PLS3: variants seen among roughly 807,000 people sequenced by gnomAD.
The protein encoded by PLS3 is plastin 3, also known as plastin-3.
PLS3 carries 11 observed loss-of-function variants against 46.5 expected under a neutral mutation model. That is an observed-to-expected ratio of 0.24 (90% CI 0.15 to 0.39). PLS3 has a LOEUF of 0.39. PLS3 is among the 10% of genes least tolerant of loss of function. The probability of loss-of-function intolerance (pLI) is 1.00; values close to 1 mark genes in which losing one functional copy is unlikely to be tolerated. For missense variants in PLS3, 308 were observed against 461.8 expected, an observed-to-expected ratio of 0.67 and a Z score of 3.05; for synonymous variants, 167 against 162.2, an observed-to-expected ratio of 1.03 and a Z score of -0.22.
At chrX:115,622,090 A>T (rs943548781) in intron 2 of PLS3, 156 bp from the exon 3 acceptor site, 1 of 439,308 alleles carries the variant, frequency 2.3e-6, no homozygotes, top group African/African-American at 2.5e-5. Flanking sequence ...TTCCATTTAA[A>T]TGTCCATTTC....
intron 1 of PLS3, among the ~76,000 whole-genome samples, chrX:115,595,796 C>G (rs2074383376): frequency 9.5e-6 from 1 of 105,437 alleles, no homozygotes; most frequent in East Asian, 3.0e-4. Flanking sequence ...TCAAGCAGCT[C>G]TCCTGCCTCA....
rs1159474716 is a variant in PLS3, at chrX:115,621,590, C to A, written c.74-656C>A. Among the ~76,000 whole-genome samples, 11 of 110,718 alleles carry A rather than the reference C, an allele frequency of 9.9e-5. 1 individual carries two copies. The highest frequency in any genetic ancestry group is 3.6e-4 in the African/African-American group (11 of 30,558). The stretch of plus-strand genomic sequence containing the variant: ...TTTTTAAAAGCTTCAGAATAAACAT[C>A]ATTCATTTAATCAGCACTTCAAGAC... On this transcript the variant is annotated intron_variant, in intron 2 of 15. Transcript: ENST00000355899.
At chrX:115,635,544 C>T (rs1415254049) in intron 7 of PLS3, among the ~76,000 whole-genome samples, 3 of 102,163 alleles carry the variant, frequency 2.9e-5, no homozygotes, top group South Asian at 4.8e-4. Context: ...CCAGCTTCTC[C>T]GGAGGCTGAG....
chrX:115,606,110 T>C (rs782510958), intron 1 of PLS3, among the ~76,000 whole-genome samples: 1 of 103,251 alleles, frequency 9.7e-6, no homozygotes, highest in South Asian at 4.8e-4. Flanking sequence ...ATGGTTTATG[T>C]CCAGAACCAT....
Position 115,634,117 on chromosome X carries a change from T to C in PLS3, c.582+36T>C, listed in dbSNP as rs1310988939. 5.9e-6 allele frequency: 5 copies of C among 848,556 alleles called. No individual in the cohort carries two copies. In the South Asian group the frequency reaches 1.1e-4, roughly 18 times the overall value. 69.9% of individuals were successfully genotyped at this position (848,556 alleles called of 1,213,427 possible). ...TTCTCCCCTCCCTTTAACATGAAAT[T>C]ACTGTTTGAGGACCTGTTCTGCAGA... On this transcript the variant is annotated intron_variant, in intron 6 of 15. Transcript: ENST00000355899.
At chrX:115,610,731 G>A in intron 2 of PLS3, 1 of 397,833 alleles carries the variant, frequency 2.5e-6, no homozygotes, top group Non-Finnish European at 4.1e-6. Flanking sequence ...ATTAGATGAT[G>A]TTTTACCCTT....
chrX:115,578,199 A>T (rs1022405615), intron 1 of PLS3, among the ~76,000 whole-genome samples: 4 of 111,966 alleles, frequency 3.6e-5, no homozygotes, highest in Non-Finnish European at 5.6e-5. Context: ...TATCCATGTG[A>T]ATGTTTGGGG....
intron 1 of PLS3, among the ~76,000 whole-genome samples, chrX:115,568,741 T>A (rs1306278387): frequency 2.7e-5 from 3 of 112,148 alleles, no homozygotes; most frequent in Non-Finnish European, 5.6e-5. Context: ...CAGTGGCATT[T>A]AAAAAAAGAA....
intron 9 of PLS3, 39 bp downstream of exon 9, chrX:115,640,542 A>G (rs782546232): frequency 1.4e-6 from 1 of 722,357 alleles, no homozygotes; most frequent in African/African-American, 2.1e-5. Flanking sequence ...CAATCTTGCA[A>G]AATTATTGTC....
At chrX:115,573,328 T>G (rs1556630892) in intron 1 of PLS3, among the ~76,000 whole-genome samples, 1 of 112,096 alleles carries the variant, frequency 8.9e-6, no homozygotes, top group African/African-American at 3.2e-5. Flanking sequence ...GAGTTAATGT[T>G]ACTTAAATAG....
At chrX:115,638,468 CTCCTGGGCTCAAGT>C (rs1399521703) in intron 8 of PLS3, among the ~76,000 whole-genome samples, 1 of 109,841 alleles carries the variant, frequency 9.1e-6, no homozygotes, top group Non-Finnish European at 1.9e-5. Flanking sequence ...TGGACTCAAG[CTCCTGGGCTCAAGT>C]GATCCTCCCA....
chrX:115,630,747 C>A (rs2074757420), intron 5 of PLS3, among the ~76,000 whole-genome samples: 2 of 89,615 alleles, frequency 2.2e-5, no homozygotes, highest in East Asian at 3.2e-4. Context: ...TATATATTTA[C>A]ACATATATAT....
chrX:115,592,825 C>T (rs886755494), intron 1 of PLS3, among the ~76,000 whole-genome samples: 1 of 111,054 alleles, frequency 9.0e-6, no homozygotes, highest in Non-Finnish European at 1.9e-5. Context: ...AAAATAGAGG[C>T]AGAAGAGTTT....
At chrX:115,602,949 A>G (rs1166561001) in intron 1 of PLS3, among the ~76,000 whole-genome samples, 2 of 110,974 alleles carry the variant, frequency 1.8e-5, no homozygotes, top group East Asian at 5.7e-4. Flanking sequence ...CCTGGACCTC[A>G]TGGTACTGAA....
Position 115,640,229 on chromosome X carries a change from G to A in PLS3, c.892-179G>A, listed in dbSNP as rs1423266689. On this transcript the variant is annotated intron_variant, in intron 8 of 15. Coordinates refer to ENST00000355899, the MANE Select transcript of PLS3 (RefSeq NM_005032.7). ...CAAAATCCAGTTCATCCATATGCAA[G>A]ACAGATATAAGGCAGATAGATGGAC... 51 of 695,793 alleles carry A rather than the reference G, an allele frequency of 7.3e-5. No individual in the cohort carries two copies. In the East Asian group the frequency reaches 1.6e-3, roughly 22 times the overall value. The allele number at this position is 695,793 out of a possible 1,213,427, so 57.3% of individuals were successfully genotyped here.
intron 1 of PLS3, among the ~76,000 whole-genome samples, chrX:115,608,336 TTTG>T (rs2074514564): frequency 1.8e-5 from 2 of 112,277 alleles, no homozygotes; most frequent in African/African-American, 6.5e-5. Flanking sequence ...CAAAATGTAT[TTTG>T]TATAGTTTGT....
chrX:115,576,733 G>A, intron 1 of PLS3, among the ~76,000 whole-genome samples: 1 of 111,404 alleles, frequency 9.0e-6, no homozygotes, highest in East Asian at 2.8e-4. Context: ...GAACCTTGCA[G>A]ATCCTTTAGG....
chrX:115,635,050 A>G lies in PLS3; in HGVS notation c.748+4A>G. The G allele has an allele frequency of 8.4e-7, 1 of 1,194,874 alleles. No individual in the cohort carries two copies. The highest frequency in any genetic ancestry group is 1.1e-6 in the Non-Finnish European group (1 of 884,002). ...ATTGAATTAAGCAGGAATGAAGGTA[A>G]TGGAACACAGTCATTCTGGCAGTTG... On this transcript the variant is annotated splice_donor_region_variant and intron_variant, in intron 7 of 15. Transcript: ENST00000355899.
intron 2 of PLS3, among the ~76,000 whole-genome samples, chrX:115,611,926 T>C (rs894269895): frequency 1.2e-4 from 13 of 111,461 alleles, no homozygotes; most frequent in Admixed American, 9.6e-5. Context: ...ATTGTTTAAG[T>C]AGAGTTTAAG....
Sources: allele counts gnomAD v4.1 joint callset (sites outside exome capture counted in the v4.1 genomes callset), GRCh38; gene constraint gnomAD v4.1.1; transcripts MANE v1.5; gene names NCBI Gene and HGNC (gene_info 2026-07-23, HGNC 2026-07-21).